The following CHN2 variants were observed in gnomAD, a reference collection of about 807,000 sequenced individuals.
The protein encoded by CHN2 is beta-chimaerin.
Under a neutral mutation model 56.3 loss-of-function variants are expected in CHN2, and 35 were observed. The ratio of observed to expected loss-of-function variants is 0.62; its 90% confidence interval spans 0.47 to 0.82. The LOEUF (loss-of-function observed/expected upper bound fraction) is 0.82. Among genes scored for constraint, CHN2 ranks in the 40% least tolerant of loss-of-function variants. CHN2 has a pLI of 0.00. For synonymous variants in CHN2, 210 were observed against 212.8 expected (o/e 0.99, Z 0.12); for missense variants, 491 against 580.5 (o/e 0.85, Z 1.58).
intron 1 of CHN2, 65 bp downstream of exon 1, chr7:29,195,055 G>T: frequency 2.0e-6 from 3 of 1,514,900 alleles, no homozygotes; most frequent in Non-Finnish European, 2.7e-6. Context: ...TCGCCCCGCA[G>T]CCTGGGATGG....
intron 6 of CHN2, among the ~76,000 whole-genome samples, chr7:29,413,662 C>T (rs918929228): frequency 6.6e-6 from 1 of 152,168 alleles, no homozygotes; most frequent in African/African-American, 2.4e-5. Flanking sequence ...GAAAGCCAGG[C>T]GATTTGCCCA....
At chr7:29,395,857 A>G (rs1427040124) in intron 4 of CHN2, among the ~76,000 whole-genome samples, 1 of 152,208 alleles carries the variant, frequency 6.6e-6, no homozygotes, top group African/African-American at 2.4e-5. Flanking sequence ...AATCACTTAA[A>G]CTTGCCAATT....
intron 10 of CHN2, among the ~76,000 whole-genome samples, chr7:29,506,220 T>G (rs80042413): frequency 0.014 from 2,192 of 152,232 alleles, 41 homozygotes; most frequent in African/African-American, 0.044. Flanking sequence ...CTTTGGGGGT[T>G]GGAAACGGAG....
At chr7:29,359,127 A>G (rs1461714851) in intron 2 of CHN2, among the ~76,000 whole-genome samples, 1 of 152,122 alleles carries the variant, frequency 6.6e-6, no homozygotes, top group Non-Finnish European at 1.5e-5. Flanking sequence ...GACCTGGGTT[A>G]CCCATTCCTG....
upstream of CHN2, chr7:29,191,636 G>A (rs745484447): frequency 7.2e-5 from 11 of 152,308 alleles, no homozygotes; most frequent in South Asian, 2.1e-4. Context: ...ACAAGACTCC[G>A]TTTATCCCAT....
intron 3 of CHN2, among the ~76,000 whole-genome samples, chr7:29,377,850 C>T (rs1054163472): frequency 6.6e-6 from 1 of 152,328 alleles, no homozygotes; most frequent in South Asian, 2.1e-4. Flanking sequence ...GTATCTTTTT[C>T]TTTCTCCTTA....
chr7:29,223,273 T>C (rs1301005233), intron 1 of CHN2, among the ~76,000 whole-genome samples: 1 of 152,150 alleles, frequency 6.6e-6, no homozygotes, highest in Non-Finnish European at 1.5e-5. Context: ...TCCTTATGGT[T>C]CAAACCCTAT....
At chr7:29,312,115 G>A (rs1195465186) in intron 1 of CHN2, among the ~76,000 whole-genome samples, 1 of 152,116 alleles carries the variant, frequency 6.6e-6, no homozygotes, top group Non-Finnish European at 1.5e-5. Flanking sequence ...ACATATAAGC[G>A]AGCTGTCAGT....
At chr7:29,430,638 C>T (rs1356252612) in intron 6 of CHN2, among the ~76,000 whole-genome samples, 5 of 152,178 alleles carry the variant, frequency 3.3e-5, no homozygotes, top group East Asian at 1.9e-4. Flanking sequence ...AGTCTGTTTA[C>T]GCATCAGAGT....
chr7:29,427,188 A>T (rs1292680008), intron 6 of CHN2, among the ~76,000 whole-genome samples: 1 of 152,144 alleles, frequency 6.6e-6, no homozygotes. Context: ...TATGGTGCAC[A>T]TGCAGTAATC....
At chr7:29,392,587 G>A (rs1801450724) in intron 3 of CHN2, among the ~76,000 whole-genome samples, 1 of 152,188 alleles carries the variant, frequency 6.6e-6, no homozygotes, top group African/African-American at 2.4e-5. Flanking sequence ...GTCCTAGGCA[G>A]CATTGTGAGT....
intron 2 of CHN2, among the ~76,000 whole-genome samples, chr7:29,185,330 A>G (rs1204277230): frequency 6.6e-6 from 1 of 152,232 alleles, no homozygotes; most frequent in Non-Finnish European, 1.5e-5. Flanking sequence ...AACATGGACC[A>G]AAATTTGAAG....
intron 2 of CHN2, among the ~76,000 whole-genome samples, chr7:29,186,123 T>C (rs1030385091): frequency 2.0e-5 from 3 of 152,106 alleles, no homozygotes; most frequent in African/African-American, 7.2e-5. Context: ...CCCTTGAAAT[T>C]CCTGCACTCA....
intron 2 of CHN2, among the ~76,000 whole-genome samples, chr7:29,173,082 G>A (rs1266526787): frequency 6.7e-6 from 1 of 149,262 alleles, no homozygotes; most frequent in African/African-American, 2.5e-5. Context: ...AGTGAGCTGA[G>A]ATTGCGCCAA....
At chr7:29,332,731 G>A (rs1796319207) in intron 1 of CHN2, among the ~76,000 whole-genome samples, 1 of 152,140 alleles carries the variant, frequency 6.6e-6, no homozygotes, top group Non-Finnish European at 1.5e-5. Context: ...CTTTGTGTGA[G>A]ATGATTTTGC....
chr7:29,274,446 A>G (rs1482656217), intron 1 of CHN2, among the ~76,000 whole-genome samples: 2 of 152,214 alleles, frequency 1.3e-5, no homozygotes, highest in African/African-American at 2.4e-5. Context: ...TTACTCACCA[A>G]TAACTGTGCA....
intron 1 of CHN2, among the ~76,000 whole-genome samples, chr7:29,204,379 A>G (rs1474270455): frequency 6.6e-6 from 1 of 152,178 alleles, no homozygotes; most frequent in East Asian, 1.9e-4. Flanking sequence ...AATGATATGT[A>G]GATATTAATA....
chr7:29,488,501 C>T lies in CHN2; in HGVS notation c.655-7451C>T, dbSNP rs116701704. Among the ~76,000 whole-genome samples the T allele has an allele frequency of 5.7e-3, 865 of 152,262 alleles. 5 individuals carry two copies. The highest frequency in any genetic ancestry group is 0.02 in the African/African-American group (834 of 41,538). On this transcript the variant is annotated intron_variant, in intron 7 of 12. Transcript: ENST00000222792. ...CATGTAGCTGGAAGGGACTTTAGCT[C>T]TCTCTTCTGTGAACATAAAGTAGCT...
At chr7:29,460,152 C>G (rs77018975) in intron 6 of CHN2, among the ~76,000 whole-genome samples, 10,127 of 152,274 alleles carry the variant, frequency 0.067, 759 homozygotes, top group African/African-American at 0.19. Flanking sequence ...AAGTAGACTT[C>G]TGGATTTTTA....
Sources: allele counts gnomAD v4.1 joint callset (sites outside exome capture counted in the v4.1 genomes callset), GRCh38; gene constraint gnomAD v4.1.1; transcripts MANE v1.5; gene names NCBI Gene and HGNC (gene_info 2026-07-23, HGNC 2026-07-21).